Variants in GNAQ observed in about 807,000 individuals in gnomAD.
The protein encoded by GNAQ is G protein subunit alpha q.
GNAQ carries 8 observed loss-of-function variants against 43.9 expected under a neutral mutation model. The ratio of observed to expected loss-of-function variants is 0.18; its 90% CI spans 0.11 to 0.33. The LOEUF (loss-of-function observed/expected upper bound fraction) is 0.33. Among genes scored for constraint, GNAQ ranks in the 10% least tolerant of loss-of-function variants. The probability of loss-of-function intolerance (pLI) is 1.00; values close to 1 mark genes in which losing one functional copy is unlikely to be tolerated. For missense variants in GNAQ, 158 were observed against 450.8 expected (o/e 0.35, Z 5.88); for synonymous variants, 155 against 170.7 (o/e 0.91, Z 0.71).
chr9:77,873,158 T>C (rs752563960), intron 2 of GNAQ, among the ~76,000 whole-genome samples: 6 of 152,198 alleles, frequency 3.9e-5, no homozygotes, highest in Admixed American at 1.3e-4. Context: ...AGCTGAAGAA[T>C]AGAAACAGAA....
chr9:77,795,991 C>T (rs867193177), intron 4 of GNAQ, among the ~76,000 whole-genome samples: 1 of 152,184 alleles, frequency 6.6e-6, no homozygotes, highest in African/African-American at 2.4e-5. Context: ...CCATGAAATG[C>T]TATGTTTTCT....
intron 1 of GNAQ, among the ~76,000 whole-genome samples, chr9:77,965,558 T>G (rs1823155982): frequency 6.6e-6 from 1 of 152,126 alleles, no homozygotes; most frequent in Non-Finnish European, 1.5e-5. Flanking sequence ...GTTTCACACT[T>G]TATCGAAAAA....
chr9:77,872,216 T>C (rs1483355216), intron 2 of GNAQ, among the ~76,000 whole-genome samples: 2 of 152,248 alleles, frequency 1.3e-5, no homozygotes, highest in South Asian at 2.1e-4. Context: ...AAATGTATTG[T>C]TGTTTGGTTG....
chr9:77,899,835 A>G (rs1353112219), intron 2 of GNAQ, among the ~76,000 whole-genome samples: 3 of 152,178 alleles, frequency 2.0e-5, no homozygotes, highest in Admixed American at 1.3e-4. Context: ...GCACATATCA[A>G]ATGCACGGAA....
intron 2 of GNAQ, among the ~76,000 whole-genome samples, chr9:77,920,971 A>T (rs1404098117): frequency 2.0e-5 from 3 of 152,252 alleles, no homozygotes; most frequent in South Asian, 4.1e-4. Flanking sequence ...TAAATCTATG[A>T]GTCCCACTGG....
At chr9:77,961,653 A>G (rs1416027406) in intron 1 of GNAQ, among the ~76,000 whole-genome samples, 1 of 152,230 alleles carries the variant, frequency 6.6e-6, no homozygotes, top group Non-Finnish European at 1.5e-5. Flanking sequence ...AGGCTGCTCT[A>G]AACTTACCCT....
intron 1 of GNAQ, among the ~76,000 whole-genome samples, chr9:77,925,284 C>T (rs2118287841): frequency 6.6e-6 from 1 of 152,314 alleles, no homozygotes; most frequent in South Asian, 2.1e-4. Context: ...GGCATCCTCT[C>T]TTTCTCCTCT....
At chr9:77,970,222 CA>C (rs139514787) in intron 1 of GNAQ, among the ~76,000 whole-genome samples, 26 of 145,838 alleles carry the variant, frequency 1.8e-4, no homozygotes, top group South Asian at 1.3e-3. Context: ...TCCATCTCCA[CA>C]AAAAAAAAAA....
intron 1 of GNAQ, among the ~76,000 whole-genome samples, chr9:77,934,905 T>A (rs187536786): frequency 1.3e-5 from 2 of 152,234 alleles, no homozygotes; most frequent in East Asian, 3.9e-4. Flanking sequence ...GGTGGGTGGA[T>A]CATGAGGTCA....
intron 2 of GNAQ, among the ~76,000 whole-genome samples, chr9:77,908,572 T>C (rs1233261527): frequency 2.0e-5 from 3 of 152,232 alleles, no homozygotes; most frequent in Non-Finnish European, 2.9e-5. Flanking sequence ...TGCATCTATA[T>C]ATTGTCATTA....
intron 1 of GNAQ, among the ~76,000 whole-genome samples, chr9:77,973,317 T>C (rs545848808): frequency 2.4e-4 from 37 of 152,306 alleles, no homozygotes; most frequent in African/African-American, 6.7e-4. Context: ...TGTCCCTGCA[T>C]GTGCAGCAGT....
At chr9:77,945,981 T>C (rs1303319391) in intron 1 of GNAQ, among the ~76,000 whole-genome samples, 2 of 152,218 alleles carry the variant, frequency 1.3e-5, no homozygotes, top group African/African-American at 2.4e-5. Context: ...TCTTCAGTCC[T>C]AAACAGAAAA....
chr9:77,898,722 T>C (rs955540792), intron 2 of GNAQ, among the ~76,000 whole-genome samples: 1 of 151,972 alleles, frequency 6.6e-6, no homozygotes, highest in South Asian at 2.1e-4. Context: ...TTCAAACAAA[T>C]GGGAAACAAA....
intron 1 of GNAQ, among the ~76,000 whole-genome samples, chr9:78,027,497 C>G (rs1823996456): frequency 6.6e-6 from 1 of 152,110 alleles, no homozygotes; most frequent in African/African-American, 2.4e-5. Flanking sequence ...ATATAAAATT[C>G]ATTTCAGAAG....
chr9:77,932,337 C>T (rs1829163969), intron 1 of GNAQ, among the ~76,000 whole-genome samples: 2 of 152,078 alleles, frequency 1.3e-5, no homozygotes, highest in African/African-American at 4.8e-5. Context: ...AGGACACAGT[C>T]ATTACTGTCA....
In GNAQ at chr9:77,720,569, A is replaced by G. The variant is rs1422041740; in HGVS notation, c.*754T>C. ...ACAATGGCACGTGGCATTTCAAAAG[A>G]AAGGACTCCTGTGTGTCTTTGATCC... On this transcript the variant is annotated 3_prime_UTR_variant, in exon 7 of 7. Transcript: ENST00000286548. The G allele has an allele frequency of 4.3e-6, 1 of 233,334 alleles. No homozygotes were observed. Among genetic ancestry groups the G allele is most frequent in the Non-Finnish European group, 8.5e-6 (1 of 117,960 alleles). 14.5% of individuals were successfully genotyped at this position (233,334 alleles called of 1,614,324 possible). A position where few individuals can be genotyped will look rare whatever the true frequency, so the allele number is the denominator to read the frequency against.
At chr9:77,927,595 G>T (rs1439473755) in intron 1 of GNAQ, among the ~76,000 whole-genome samples, 1 of 151,490 alleles carries the variant, frequency 6.6e-6, no homozygotes, top group Non-Finnish European at 1.5e-5. Flanking sequence ...AGGGGGTGGG[G>T]GCAGAAAACA....
At chr9:77,949,212 G>A (rs1822944745) in intron 1 of GNAQ, among the ~76,000 whole-genome samples, 1 of 152,214 alleles carries the variant, frequency 6.6e-6, no homozygotes, top group Admixed American at 6.5e-5. Flanking sequence ...CCAGGCTGTA[G>A]AGCAACAGCC....
chr9:77,725,278 T>C (rs888668232), intron 6 of GNAQ, among the ~76,000 whole-genome samples: 1 of 152,182 alleles, frequency 6.6e-6, no homozygotes, highest in African/African-American at 2.4e-5. Flanking sequence ...TTCAAGTCCA[T>C]GTGGAAAGGG....
Sources: gnomAD v4.1 joint callset for allele counts (sites outside exome capture counted in the v4.1 genomes callset) on GRCh38, gnomAD v4.1.1 for gene constraint, MANE v1.5 for transcripts, NCBI Gene and HGNC (gene_info 2026-07-23, HGNC 2026-07-21) for gene names.